The following RGS7 variants were observed in gnomAD, a reference collection of about 807,000 sequenced individuals.
RGS7 encodes regulator of G protein signaling 7.
RGS7 carries 27 observed loss-of-function variants against 81.1 expected under a neutral mutation model. The ratio of observed to expected loss-of-function variants is 0.33; its 90% CI spans 0.25 to 0.46. RGS7 has a LOEUF of 0.46. RGS7 is among the 20% of genes least tolerant of loss of function. The pLI is 1.00. For synonymous variants in RGS7, 208 were observed against 207.7 expected (o/e 1.00, Z -0.01); for missense variants, 396 against 607.4 (o/e 0.65, Z 3.66).
chr1:241,061,204 CA>C (rs2061722049), intron 3 of RGS7, among the ~76,000 whole-genome samples: 1 of 152,172 alleles, frequency 6.6e-6, no homozygotes, highest in African/African-American at 2.4e-5. Context: ...CAATCTTTAG[CA>C]ATTATAATGA....
intron 6 of RGS7, among the ~76,000 whole-genome samples, chr1:240,890,752 A>C (rs940278926): frequency 2.0e-5 from 3 of 152,162 alleles, no homozygotes; most frequent in Admixed American, 6.5e-5. Flanking sequence ...AGGCACAGAG[A>C]GTTTACAGGA....
chr1:241,197,015 T>C (rs1308079822), intron 2 of RGS7, among the ~76,000 whole-genome samples: 5 of 131,878 alleles, frequency 3.8e-5, no homozygotes, highest in Admixed American at 2.9e-4. Flanking sequence ...AAAGAACAAA[T>C]AAGGAATATG....
intron 2 of RGS7, among the ~76,000 whole-genome samples, chr1:241,119,350 T>C (rs975113781): frequency 6.6e-6 from 1 of 152,202 alleles, no homozygotes; most frequent in Non-Finnish European, 1.5e-5. Flanking sequence ...AATCCATCCT[T>C]GCACAGAAAA....
At chr1:240,910,257 A>G (rs1572713973) in intron 6 of RGS7, among the ~76,000 whole-genome samples, 1 of 152,244 alleles carries the variant, frequency 6.6e-6, no homozygotes, top group Non-Finnish European at 1.5e-5. Context: ...TCTGTGGAAC[A>G]CGGTTTGTAT....
In RGS7 at chr1:241,163,245, T is replaced by C. The variant is rs2069881355; in HGVS notation, c.79-64483A>G. 6.6e-6 allele frequency among the ~76,000 whole-genome samples: 1 copy of C among 152,194 alleles called. No homozygotes were observed. The highest frequency in any genetic ancestry group is 2.4e-5 in the African/African-American group (1 of 41,460). The stretch of plus-strand genomic sequence containing the variant: ...ATCAGTGAAAAGAAGGTGATTTCAC[T>C]CAGCCTGCTCAGTCCTAGGGCTCAG... On this transcript the variant is annotated intron_variant, in intron 2 of 18. Coordinates refer to ENST00000440928, the MANE Select transcript of RGS7 (RefSeq NM_001364886.1). This position sits in a 1 kb window ranked among gnomAD's most constrained non-coding sequence, Gnocchi z 4.6.
At chr1:241,038,300 A>G (rs976360773) in intron 3 of RGS7, among the ~76,000 whole-genome samples, 2 of 152,174 alleles carry the variant, frequency 1.3e-5, no homozygotes, top group Admixed American at 6.5e-5. Context: ...GACTGTTTAT[A>G]TATATCAAAT....
At chr1:241,276,591 C>A (rs4660059) in intron 2 of RGS7, among the ~76,000 whole-genome samples, 55,776 of 152,022 alleles carry the variant, frequency 0.37, 11,866 homozygotes, top group East Asian at 0.56. Context: ...TGAATCACTG[C>A]AAGCATCCTC....
intron 2 of RGS7, among the ~76,000 whole-genome samples, chr1:241,126,529 G>A (rs1459402360): frequency 6.6e-6 from 1 of 152,142 alleles, no homozygotes; most frequent in African/African-American, 2.4e-5. Context: ...GGTCAAATGC[G>A]CAGCTCTGCT....
chr1:241,247,184 A>G (rs781250427), intron 2 of RGS7, among the ~76,000 whole-genome samples: 2 of 152,148 alleles, frequency 1.3e-5, no homozygotes, highest in Non-Finnish European at 2.9e-5. Flanking sequence ...TCATGTCAGA[A>G]AGACTTAATA....
At chr1:241,196,752 T>G (rs1481033436) in intron 2 of RGS7, among the ~76,000 whole-genome samples, 3 of 152,010 alleles carry the variant, frequency 2.0e-5, no homozygotes, top group Non-Finnish European at 4.4e-5. Context: ...TTTAGAAAAT[T>G]GTAACACATG....
intron 4 of RGS7, among the ~76,000 whole-genome samples, chr1:240,944,665 G>A (rs1245427385): frequency 6.6e-6 from 1 of 152,030 alleles, no homozygotes; most frequent in African/African-American, 2.4e-5. Flanking sequence ...CAAGTCATGG[G>A]GCTTAAATTC....
chr1:241,119,673 T>A (rs370622961), intron 2 of RGS7, among the ~76,000 whole-genome samples: 1 of 152,228 alleles, frequency 6.6e-6, no homozygotes, highest in Non-Finnish European at 1.5e-5. Flanking sequence ...TTTGTTAATA[T>A]CACCACTGAT....
chr1:240,975,336 A>G (rs911910814), intron 4 of RGS7, among the ~76,000 whole-genome samples: 1 of 152,186 alleles, frequency 6.6e-6, no homozygotes, highest in Non-Finnish European at 1.5e-5. Context: ...TGGGAGGCAG[A>G]GGTTGCAGCA....
chr1:241,068,899 G>C (rs1037758696), intron 3 of RGS7, among the ~76,000 whole-genome samples: 1 of 152,066 alleles, frequency 6.6e-6, no homozygotes, highest in African/African-American at 2.4e-5. Context: ...CCTTGGTACT[G>C]TTGTTGCAAT....
intron 2 of RGS7, among the ~76,000 whole-genome samples, chr1:241,139,292 T>C (rs946922490): frequency 5.5e-5 from 8 of 145,236 alleles, no homozygotes; most frequent in African/African-American, 2.1e-4. Flanking sequence ...CTTTCCTTCC[T>C]TCTTTCCTTC....
At chr1:240,887,226 G>GTTTTTTTTTTTTT (rs71297739) in intron 6 of RGS7, among the ~76,000 whole-genome samples, 2 of 76,382 alleles carry the variant, frequency 2.6e-5, no homozygotes, top group African/African-American at 7.5e-5. Flanking sequence ...GAGTATATAG[G>GTTTTTTTTTTTTT]TTTTTTTTTT....
chr1:240,793,618 T>TC (rs1686473961), intron 18 of RGS7, among the ~76,000 whole-genome samples: 3 of 133,588 alleles, frequency 2.2e-5, no homozygotes, highest in African/African-American at 9.5e-5. Flanking sequence ...TATATTTTTT[T>TC]TTTTTTTTTG....
chr1:241,001,742 T>G (rs1481558217), intron 3 of RGS7, among the ~76,000 whole-genome samples: 1 of 152,080 alleles, frequency 6.6e-6, no homozygotes, highest in African/African-American at 2.4e-5. Context: ...GGCAAAACTA[T>G]GGAGAGAGTA....
chr1:241,115,330 T>G (rs1220097394), intron 2 of RGS7, among the ~76,000 whole-genome samples: 1 of 152,174 alleles, frequency 6.6e-6, no homozygotes, highest in African/African-American at 2.4e-5. Context: ...TGGTTTAAAT[T>G]TTTATGCAAG....
Sources: gnomAD v4.1 joint callset for allele counts (sites outside exome capture counted in the v4.1 genomes callset) on GRCh38, gnomAD v4.1.1 for gene constraint, Gnocchi (gnomAD v3.1) non-coding constraint, MANE v1.5 for transcripts, NCBI Gene and HGNC (gene_info 2026-07-23, HGNC 2026-07-21) for gene names.